PCDHGA1: variants seen among roughly 807,000 people sequenced by gnomAD.
PCDHGA1 encodes protocadherin gamma subfamily A, 1.
PCDHGA1 carries 32 observed loss-of-function variants against 58.0 expected under a neutral mutation model. The observed-to-expected ratio is 0.55, with a 90% CI of 0.42 to 0.74. PCDHGA1 has a LOEUF of 0.74. PCDHGA1 is among the 30% of genes least tolerant of loss of function. The probability of loss-of-function intolerance (pLI) is 0.00; values close to 1 mark genes in which losing one functional copy is unlikely to be tolerated. For missense variants in PCDHGA1, 1,205 were observed against 1,182.3 expected (o/e 1.02, Z -0.28); for synonymous variants, 498 against 501.1 (o/e 0.99, Z 0.08).
intron 2 of PCDHGA1, among the ~76,000 whole-genome samples, chr5:141,498,710 T>C (rs2099785302): frequency 1.3e-5 from 2 of 152,108 alleles, no homozygotes. Flanking sequence ...GGTGGGTGGA[T>C]CACCTGAGGT....
chr5:141,373,211 T>C (rs1258872699), intron 1 of PCDHGA1, among the ~76,000 whole-genome samples: 1 of 152,254 alleles, frequency 6.6e-6, no homozygotes, highest in Non-Finnish European at 1.5e-5. Flanking sequence ...AACACATTTT[T>C]AATGTAACCT....
chr5:141,388,577 A>G, intron 1 of PCDHGA1: 1 of 1,613,868 alleles, frequency 6.2e-7, no homozygotes, highest in East Asian at 2.2e-5. Context: ...TACACGTTCT[A>G]GTGACTGATG....
chr5:141,339,783 A>T, intron 1 of PCDHGA1: 4 of 1,614,216 alleles, frequency 2.5e-6, no homozygotes, highest in Non-Finnish European at 3.4e-6. Context: ...GACGCAGATG[A>T]GGGCTACTAC....
chr5:141,403,577 C>A (rs1188693688), intron 1 of PCDHGA1: 5 of 1,613,812 alleles, frequency 3.1e-6, no homozygotes, highest in Non-Finnish European at 3.4e-6. Context: ...AACTGCCCAC[C>A]ACCTGGTCCT....
At position 141,330,824 on chromosome 5, in the gene PCDHGA1, A is replaced by C; in HGVS notation, c.140A>C (p.Asn47Thr). 8 of 1,614,200 alleles carry C rather than the reference A, an allele frequency of 5.0e-6. No individual in the cohort carries two copies. The highest frequency in any genetic ancestry group is 8.5e-7 in the Non-Finnish European group (1 of 1,180,042). The change falls in exon 1 of 4, where the codon AAC (asparagine) becomes ACC (threonine). Residue 47 changes from asparagine (N) to threonine (T), a missense_variant. Physicochemically the swap from Asn to Thr is moderately conservative, Grantham distance 65. Coordinates refer to ENST00000517417, the MANE Select transcript of PCDHGA1 (RefSeq NM_018912.3). ...EETDKGSFVG[N>T]IAKDLGLQPQ... The stretch of plus-strand genomic sequence containing the variant: ...ACAGACAAAGGTTCCTTCGTAGGCA[A>C]CATCGCCAAGGACCTAGGGCTGCAA...
intron 1 of PCDHGA1, chr5:141,339,431 C>T (rs865927078): frequency 1.9e-6 from 3 of 1,614,106 alleles, no homozygotes; most frequent in Non-Finnish European, 2.5e-6. Context: ...CCGGATTCCT[C>T]TTAAGAATGC....
intron 1 of PCDHGA1, among the ~76,000 whole-genome samples, chr5:141,460,304 A>T (rs769422296): frequency 2.6e-5 from 4 of 152,144 alleles, no homozygotes; most frequent in Admixed American, 6.5e-5. Flanking sequence ...TCCTATTCAA[A>T]AACTCCTTGC....
At chr5:141,449,349 G>C (rs191322076) in intron 1 of PCDHGA1, among the ~76,000 whole-genome samples, 2 of 152,074 alleles carry the variant, frequency 1.3e-5, no homozygotes, top group African/African-American at 4.8e-5. Flanking sequence ...GCTCACTCCT[G>C]TAATCCCAGC....
intron 1 of PCDHGA1, chr5:141,422,694 T>C: frequency 6.2e-7 from 1 of 1,603,912 alleles, no homozygotes; most frequent in Non-Finnish European, 8.5e-7. Context: ...CCCTGGTCAC[T>C]TACTCTCTGA....
intron 3 of PCDHGA1, 62 bp downstream of exon 3, chr5:141,505,543 C>T: frequency 6.2e-7 from 1 of 1,609,636 alleles, no homozygotes; most frequent in Non-Finnish European, 8.5e-7. Flanking sequence ...GTGCATCTCA[C>T]AGCCACCATG....
intron 1 of PCDHGA1, among the ~76,000 whole-genome samples, chr5:141,456,668 T>G (rs2098874996): frequency 1.3e-5 from 2 of 152,254 alleles, no homozygotes; most frequent in Admixed American, 6.5e-5. Context: ...ATGTTTCATT[T>G]AAAAATGCAT....
chr5:141,494,953 T>G, intron 2 of PCDHGA1, 88 bp downstream of exon 2: 1 of 1,604,164 alleles, frequency 6.2e-7, no homozygotes, highest in Non-Finnish European at 8.5e-7. Flanking sequence ...GCCCAGCATT[T>G]GCTACAGATG....
Position 141,490,179 on chromosome 5 carries a change from A to G in PCDHGA1, c.2422-4628A>G. On this transcript the variant is annotated intron_variant, in intron 1 of 3. Transcript: ENST00000517417. This position sits in a 1 kb window ranked among gnomAD's most constrained non-coding sequence, Gnocchi z 5.4. Reference sequence around the variant, plus strand: ...TGGGTCCCATAGACTTTGAGGAGTCACGTTTCTATGAAATTCATGCAAGAG... The same window carrying G: ...TGGGTCCCATAGACTTTGAGGAGTCGCGTTTCTATGAAATTCATGCAAGAG... 1 of 1,614,202 alleles carries G rather than the reference A, an allele frequency of 6.2e-7. No individual in the cohort carries two copies. Among genetic ancestry groups the G allele is most frequent in the East Asian group, 2.2e-5 (1 of 44,882 alleles).
chr5:141,508,091 GCCC>G (rs2099866180), intron 3 of PCDHGA1: 1 of 152,482 alleles, frequency 6.6e-6, no homozygotes, highest in Non-Finnish European at 1.5e-5. Flanking sequence ...TGCTGCCTTG[GCCC>G]TGGGATGGGG....
chr5:141,481,622 G>A (rs957374253), intron 1 of PCDHGA1, among the ~76,000 whole-genome samples: 6 of 151,854 alleles, frequency 4.0e-5, no homozygotes, highest in African/African-American at 1.2e-4. Flanking sequence ...GTTCAAGACC[G>A]GCCTGGCCAA....
At chr5:141,356,187 T>A in intron 1 of PCDHGA1, 1 of 1,611,210 alleles carries the variant, frequency 6.2e-7, no homozygotes, top group Non-Finnish European at 8.5e-7. Flanking sequence ...GTCTCCGAGC[T>A]AGAAGCAAGG....
chr5:141,505,832 T>G (rs1006398435), intron 3 of PCDHGA1, among the ~76,000 whole-genome samples: 1 of 152,188 alleles, frequency 6.6e-6, no homozygotes, highest in African/African-American at 2.4e-5. Flanking sequence ...AAACCTCAGT[T>G]TCCTCAGCCT....
Position 141,376,503 on chromosome 5 carries a change from T to C in PCDHGA1, c.2421+43398T>C, listed in dbSNP as rs192154001. 1.1e-5 allele frequency: 17 copies of C among 1,614,052 alleles called. No homozygotes were observed. In the African/African-American group the frequency reaches 2.1e-4, roughly 20 times the overall value. ...GAAACGAAAGGAGAACCCAGGCAAC[T>C]TCAGGTGAGTTTCTTTCCGCCTAAG... is the stretch of plus-strand genomic sequence containing the variant. On this transcript the variant is annotated intron_variant, in intron 1 of 3. Transcript: ENST00000517417.
rs1561852927 is a variant in PCDHGA1, at chr5:141,431,472, A to G, written c.2422-63335A>G. On this transcript the variant is annotated intron_variant, in intron 1 of 3. Coordinates refer to ENST00000517417, the MANE Select transcript of PCDHGA1 (RefSeq NM_018912.3). The surrounding 1 kb of genome is among the most constrained non-coding windows in gnomAD (Gnocchi z 4.8). The stretch of plus-strand genomic sequence containing the variant: ...GTGATGGTTCTGGATGCGAACGACA[A>G]CGCACCAGCGTTTGCTCAGCCCGAG... 6.2e-7 allele frequency: 1 copy of G among 1,613,784 alleles called. No individual in the cohort carries two copies. The highest frequency in any genetic ancestry group is 8.5e-7 in the Non-Finnish European group (1 of 1,179,948).
Sources: allele counts gnomAD v4.1 joint callset (sites outside exome capture counted in the v4.1 genomes callset), GRCh38; gene constraint gnomAD v4.1.1; non-coding constraint Gnocchi (gnomAD v3.1); transcripts MANE v1.5; gene names NCBI Gene and HGNC (gene_info 2026-07-23, HGNC 2026-07-21).